DLG1: variants seen among roughly 807,000 people sequenced by gnomAD.
DLG1 encodes the protein disks large homolog 1.
A neutral mutation model predicts 123.4 loss-of-function variants in DLG1; 42 were observed. The ratio of observed to expected loss-of-function variants is 0.34; its 90% CI spans 0.27 to 0.44. The LOEUF is 0.44. Among genes scored for constraint, DLG1 ranks in the 20% least tolerant of loss-of-function variants. The pLI is 1.00. For missense variants in DLG1, 942 were observed against 1,082.6 expected (o/e 0.87, Z 1.82); for synonymous variants, 317 against 356.2 (o/e 0.89, Z 1.24).
chr3:197,099,045 C>T (rs1345148320), intron 14 of DLG1, among the ~76,000 whole-genome samples: 3 of 152,128 alleles, frequency 2.0e-5, no homozygotes, highest in Non-Finnish European at 4.4e-5. Context: ...GTAAATACTC[C>T]CACCAACATA....
At chr3:197,101,134 C>T (rs911199697) in intron 14 of DLG1, among the ~76,000 whole-genome samples, 8 of 152,112 alleles carry the variant, frequency 5.3e-5, no homozygotes, top group Non-Finnish European at 8.8e-5. Context: ...AGGCCCGTTA[C>T]TGAACATACA....
intron 4 of DLG1, among the ~76,000 whole-genome samples, chr3:197,246,129 C>T (rs926310998): frequency 1.3e-5 from 2 of 152,024 alleles, no homozygotes; most frequent in South Asian, 2.1e-4. Flanking sequence ...TTGAGCGGAC[C>T]GATTATTGGG....
At chr3:197,160,102 G>A (rs906072884) in intron 5 of DLG1, among the ~76,000 whole-genome samples, 2 of 152,168 alleles carry the variant, frequency 1.3e-5, no homozygotes, top group African/African-American at 2.4e-5. Context: ...TTAAGTGGTA[G>A]GACTGGAATT....
intron 13 of DLG1, among the ~76,000 whole-genome samples, chr3:197,113,447 A>G (rs1030226835): frequency 1.1e-4 from 17 of 152,220 alleles, no homozygotes; most frequent in African/African-American, 4.1e-4. Context: ...AAGTATTACT[A>G]GGTATGTCTT....
chr3:197,203,583 A>C (rs1726980048), intron 4 of DLG1, among the ~76,000 whole-genome samples: 1 of 152,168 alleles, frequency 6.6e-6, no homozygotes, highest in South Asian at 2.1e-4. Context: ...AATAATTCCA[A>C]ATTTGAGACA....
intron 5 of DLG1, among the ~76,000 whole-genome samples, chr3:197,185,135 C>T (rs991019282): frequency 6.6e-6 from 1 of 152,206 alleles, no homozygotes; most frequent in African/African-American, 2.4e-5. Context: ...TGATAATTTA[C>T]TATTGGTTGA....
chr3:197,275,670 C>T (rs1766069698), intron 4 of DLG1, among the ~76,000 whole-genome samples: 2 of 152,138 alleles, frequency 1.3e-5, no homozygotes, highest in Admixed American at 6.5e-5. Context: ...TGTTGTCACT[C>T]ATATGTGGAA....
At chr3:197,112,503 T>C (rs1770632250) in intron 13 of DLG1, among the ~76,000 whole-genome samples, 1 of 152,250 alleles carries the variant, frequency 6.6e-6, no homozygotes, top group Non-Finnish European at 1.5e-5. Context: ...TTGTAGGAGA[T>C]ATTTATATAT....
At chr3:197,239,705 C>T (rs892757837) in intron 4 of DLG1, among the ~76,000 whole-genome samples, 4 of 152,000 alleles carry the variant, frequency 2.6e-5, no homozygotes, top group Non-Finnish European at 5.9e-5. Context: ...ATTTCCAGTT[C>T]CAAAATGTCA....
intron 4 of DLG1, among the ~76,000 whole-genome samples, chr3:197,273,426 T>TG (rs1290991726): frequency 6.6e-6 from 1 of 151,752 alleles, no homozygotes; most frequent in Non-Finnish European, 1.5e-5. Context: ...TTAGCAGAGA[T>TG]GGGGTTTCAC....
intron 11 of DLG1, 29 bp downstream of exon 11, chr3:197,130,498 T>C: frequency 6.5e-7 from 1 of 1,532,022 alleles, no homozygotes; most frequent in South Asian, 1.3e-5. Flanking sequence ...GTAAGATAAA[T>C]TTAAGCAAAC....
chr3:197,086,628 T>C (rs1003177934), intron 15 of DLG1, among the ~76,000 whole-genome samples: 1 of 152,188 alleles, frequency 6.6e-6, no homozygotes, highest in Non-Finnish European at 1.5e-5. Flanking sequence ...TGGAATTACT[T>C]GATGGCTAAA....
intron 11 of DLG1, among the ~76,000 whole-genome samples, chr3:197,120,831 T>C (rs1775959869): frequency 6.6e-6 from 1 of 152,208 alleles, no homozygotes; most frequent in African/African-American, 2.4e-5. Flanking sequence ...CCAGTTCATA[T>C]ATAAGATGCT....
intron 6 of DLG1, among the ~76,000 whole-genome samples, chr3:197,145,127 T>C (rs1473903894): frequency 6.6e-6 from 1 of 152,124 alleles, no homozygotes; most frequent in African/African-American, 2.4e-5. Flanking sequence ...TCAAGAGCTG[T>C]GTTGATCATG....
intron 4 of DLG1, among the ~76,000 whole-genome samples, chr3:197,236,033 G>A (rs993962796): frequency 5.3e-5 from 8 of 152,142 alleles, no homozygotes; most frequent in Admixed American, 3.3e-4. Flanking sequence ...ATAAAGGCAG[G>A]CTAGTCATGG....
chr3:197,098,550 C>T (rs1761859392), intron 14 of DLG1, among the ~76,000 whole-genome samples: 1 of 152,078 alleles, frequency 6.6e-6, no homozygotes, highest in Non-Finnish European at 1.5e-5. Flanking sequence ...AGAGTCTTCC[C>T]ACCCGCCCCC....
intron 5 of DLG1, among the ~76,000 whole-genome samples, chr3:197,179,560 T>C (rs1185056949): frequency 6.6e-6 from 1 of 152,222 alleles, no homozygotes; most frequent in African/African-American, 2.4e-5. Context: ...TTCCTAATAA[T>C]CTATATCTGA....
chr3:197,113,316 C>T (rs1771155835), intron 13 of DLG1, among the ~76,000 whole-genome samples: 1 of 152,090 alleles, frequency 6.6e-6, no homozygotes. Flanking sequence ...GATTCTTCTT[C>T]TTTTCCTTGT....
chr3:197,193,936 C>T (rs1201745797), intron 5 of DLG1, among the ~76,000 whole-genome samples: 4 of 152,026 alleles, frequency 2.6e-5, no homozygotes, highest in Admixed American at 2.6e-4. Context: ...TCTCCTGTCT[C>T]AGCCTCCTGA....
Sources: allele counts gnomAD v4.1 joint callset (sites outside exome capture counted in the v4.1 genomes callset), GRCh38; gene constraint gnomAD v4.1.1; transcripts MANE v1.5; gene names NCBI Gene and HGNC (gene_info 2026-07-23, HGNC 2026-07-21).